The following CELSR1 variants were observed in gnomAD, a reference collection of about 807,000 sequenced individuals.
The protein encoded by CELSR1 is cadherin EGF LAG seven-pass G-type receptor 1.
A neutral mutation model predicts 249.1 loss-of-function variants in CELSR1; 110 were observed. The observed-to-expected ratio is 0.44, with a 90% CI of 0.38 to 0.52. The LOEUF (loss-of-function observed/expected upper bound fraction) is 0.52. Among genes scored for constraint, CELSR1 ranks in the 20% least tolerant of loss-of-function variants. The pLI, the probability that CELSR1 is intolerant of heterozygous loss-of-function variation, is 0.00. For synonymous variants in CELSR1, 2,113 were observed against 1,900.0 expected (o/e 1.11, Z -2.92); for missense variants, 4,109 against 4,296.4 (o/e 0.96, Z 1.22).
chr22:46,366,390 C>G lies in CELSR1; in HGVS notation c.8296G>C (p.Val2766Leu), dbSNP rs757174874. The change falls in exon 30 of 35, where the codon GTC becomes CTC. Residue 2766 changes from valine (V) to leucine (L), a missense_variant. Physicochemically the swap from Val to Leu is conservative, Grantham distance 32 (BLOSUM62 1). Coordinates refer to ENST00000674500, the MANE Select transcript of CELSR1 (RefSeq NM_001378328.1). ...GESTASLDSIVRDEGIQKLGV... is the reference protein window; with the variant it reads ...GESTASLDSILRDEGIQKLGV... ...AACCCGGAGCTGCGGCCTGACCTGA[C>G]GATGCTGTCCAGCGAGGCGGTGGAC... is the stretch of plus-strand genomic sequence containing the variant. The G allele has an allele frequency of 8.4e-6, 13 of 1,548,098 alleles. No individual in the cohort carries two copies. The highest frequency in any genetic ancestry group is 5.5e-5 in the African/African-American group (4 of 72,780).
At chr22:46,414,201 G>A (rs912354434) in intron 5 of CELSR1, among the ~76,000 whole-genome samples, 7 of 152,224 alleles carry the variant, frequency 4.6e-5, no homozygotes, top group Admixed American at 6.5e-5. Context: ...AGCAGGCACA[G>A]GGCGTTTAGG....
rs557278977 is a variant in CELSR1, at chr22:46,518,373, G to C, written c.3544+15254C>G. ...CAGTCTCGTTAGAGGAGAACGAAGG[G>C]AGTGGGCTCCCACAGACCACATTGC... is the stretch of plus-strand genomic sequence containing the variant. On this transcript the variant is annotated intron_variant, in intron 1 of 34. Transcript: ENST00000674500. The surrounding 1 kb of genome is among the most constrained non-coding windows in gnomAD (Gnocchi z 5.2). Among the ~76,000 whole-genome samples, 1 of 152,234 alleles carries C rather than the reference G, an allele frequency of 6.6e-6. No homozygotes were observed. The highest frequency in any genetic ancestry group is 2.1e-4 in the South Asian group (1 of 4,832).
chr22:46,400,188 G>A (rs960193004), intron 9 of CELSR1, among the ~76,000 whole-genome samples: 19 of 151,936 alleles, frequency 1.3e-4, no homozygotes, highest in African/African-American at 3.9e-4. Flanking sequence ...AAATTAGCTA[G>A]GTGTGGTGGT....
chr22:46,492,197 A>T (rs548359059), intron 1 of CELSR1, among the ~76,000 whole-genome samples: 13 of 152,126 alleles, frequency 8.5e-5, no homozygotes, highest in Non-Finnish European at 1.5e-4. Context: ...GAAGCCGGCC[A>T]ACATGCCAGA....
chr22:46,529,274 A>T (rs868570070), intron 1 of CELSR1, among the ~76,000 whole-genome samples: 33 of 152,146 alleles, frequency 2.2e-4, no homozygotes, highest in African/African-American at 8.0e-4. Context: ...TCAAAAAAAA[A>T]AAAGAATGAG....
At chr22:46,365,859 TG>T (rs1411901386) in intron 30 of CELSR1, among the ~76,000 whole-genome samples, 170 bp from the exon 31 acceptor site, 38 of 758 alleles carry the variant, frequency 0.05, 5 homozygotes, top group African/African-American at 0.14. Flanking sequence ...AAAGGTTGGG[TG>T]GGGGGAAGGT....
At chr22:46,419,842 C>A (rs1258893673) in intron 5 of CELSR1, among the ~76,000 whole-genome samples, 1 of 151,946 alleles carries the variant, frequency 6.6e-6, no homozygotes, top group South Asian at 2.1e-4. Flanking sequence ...CCCACGCTCA[C>A]GTGCATACCC....
At chr22:46,456,145 C>T (rs912571074) in intron 2 of CELSR1, among the ~76,000 whole-genome samples, 3 of 152,228 alleles carry the variant, frequency 2.0e-5, no homozygotes, top group Non-Finnish European at 2.9e-5. Flanking sequence ...GGACTAACTG[C>T]GACTTTACTA....
intron 2 of CELSR1, among the ~76,000 whole-genome samples, chr22:46,452,360 A>G (rs916371113): frequency 2.0e-5 from 3 of 152,218 alleles, no homozygotes; most frequent in African/African-American, 7.2e-5. Flanking sequence ...ATGAGGACCC[A>G]GTGTGCCAAA....
chr22:46,513,058 G>C (rs1170459940), intron 1 of CELSR1, among the ~76,000 whole-genome samples: 2 of 152,214 alleles, frequency 1.3e-5, no homozygotes, highest in Non-Finnish European at 2.9e-5. Flanking sequence ...GAGTGAATAG[G>C]AGGCCATTTA....
In CELSR1 at chr22:46,413,183, A is replaced by C. The variant is rs1016614090; in HGVS notation, c.4612-1424T>G. Among the ~76,000 whole-genome samples the C allele has an allele frequency of 3.3e-5, 5 of 152,280 alleles. No homozygotes were observed. The highest frequency in any genetic ancestry group is 6.5e-5 in the Admixed American group (1 of 15,286). ...CAGTGCCTTTTAATAGGAAAATAAC[A>C]ACCACATAGTTCATTCAAAAATAAA... On this transcript the variant is annotated intron_variant, in intron 5 of 34. Transcript: ENST00000674500. This position sits in a 1 kb window ranked among gnomAD's most constrained non-coding sequence, Gnocchi z 4.7.
rs376260022 is a variant in CELSR1, at chr22:46,363,169, G to A, written c.*54C>T. ...GATGCCGCAGCCTGTGTGGGGTGAC[G>A]GGCTTGCCTCACGGTTTCCTGATGG... On this transcript the variant is annotated 3_prime_UTR_variant, in exon 35 of 35. Coordinates refer to ENST00000674500, the MANE Select transcript of CELSR1 (RefSeq NM_001378328.1). The surrounding 1 kb of genome is among the most constrained non-coding windows in gnomAD (Gnocchi z 4.3). 2.7e-5 allele frequency: 44 copies of A among 1,613,634 alleles called. No homozygotes were observed. Among genetic ancestry groups the A allele is most frequent in the South Asian group, 3.3e-5 (3 of 91,060 alleles).
At position 46,429,471 on chromosome 22, in the gene CELSR1, C is replaced by T. The variant is rs148032533; in HGVS notation, c.4611+3922G>A. On this transcript the variant is annotated intron_variant, in intron 5 of 34. Transcript: ENST00000674500. This position sits in a 1 kb window ranked among gnomAD's most constrained non-coding sequence, Gnocchi z 4.1. ...TGTTGTTCATCTGTGCTTGGCGGAGCGCCACACAAATGTACAAGTGCCTGC... is the reference window on the plus strand; with the variant it reads ...TGTTGTTCATCTGTGCTTGGCGGAGTGCCACACAAATGTACAAGTGCCTGC... Among the ~76,000 whole-genome samples the T allele has an allele frequency of 5.8e-4, 89 of 152,342 alleles. No homozygotes were observed. Among genetic ancestry groups the T allele is most frequent in the African/African-American group, 1.9e-3 (80 of 41,576 alleles).
intron 2 of CELSR1, among the ~76,000 whole-genome samples, chr22:46,461,707 G>C (rs1297877114): frequency 6.6e-6 from 1 of 152,248 alleles, no homozygotes; most frequent in Non-Finnish European, 1.5e-5. Flanking sequence ...TATACAGTAG[G>C]TACTATCTGC....
Position 46,535,741 on chromosome 22 carries a change from G to C in CELSR1, c.1430C>G (p.Ala477Gly). 1.2e-6 allele frequency: 2 copies of C among 1,612,506 alleles called. No homozygotes were observed. Among genetic ancestry groups the C allele is most frequent in the Non-Finnish European group, 1.7e-6 (2 of 1,180,008 alleles). Residue 477 changes from alanine to glycine, a missense_variant, in exon 1 of 35, where the codon GCT becomes GGT. Around this residue, in one of 7 missense-constraint regions of CELSR1, gnomAD observed 135 missense variants for 190.0 expected, o/e 0.71. Transcript: ENST00000674500. ...QVPEDVGLNT[A>G]VLRVQATDRD... ...GTCCGTGGCCTGCACTCGCAGCACA[G>C]CCGTGTTGAGCCCCACGTCCTCGGG... is the stretch of plus-strand genomic sequence containing the variant.
chr22:46,530,461 C>G (rs1205103848), intron 1 of CELSR1: 1 of 151,942 alleles, frequency 6.6e-6, no homozygotes, highest in Admixed American at 6.6e-5. Flanking sequence ...AGAGCACATT[C>G]AAGGCTTGAG....
rs1187474989 is a variant in CELSR1 at position 46,381,059 on chromosome 22, G to A, written c.7089-104C>T. 8.0e-7 allele frequency: 1 copy of A among 1,244,524 alleles called. No individual in the cohort carries two copies. The highest frequency in any genetic ancestry group is 1.4e-5 in the South Asian group (1 of 70,614). 77.1% of individuals were successfully genotyped at this position (1,244,524 alleles called of 1,614,324 possible). On this transcript the variant is annotated intron_variant, in intron 21 of 34. Transcript: ENST00000674500. This position sits in a 1 kb window ranked among gnomAD's most constrained non-coding sequence, Gnocchi z 6.0. Reference sequence around the variant, plus strand: ...GGACACGCCATGATGTGTTTCTAGGGGAGACAGAATCACACTCCGAGAGCT... The same window carrying A: ...GGACACGCCATGATGTGTTTCTAGGAGAGACAGAATCACACTCCGAGAGCT...
At chr22:46,373,167 G>GTC in intron 24 of CELSR1, 110 bp from the exon 25 acceptor site, 1 of 1,169,128 alleles carries the variant, frequency 8.6e-7, no homozygotes, top group South Asian at 1.6e-5. Context: ...ACCACCCTAT[G>GTC]TGTCTGTCCT....
intron 1 of CELSR1, among the ~76,000 whole-genome samples, chr22:46,510,571 G>C (rs73888537): frequency 6.6e-6 from 1 of 152,316 alleles, no homozygotes; most frequent in African/African-American, 2.4e-5. Context: ...CTGGGGGGAC[G>C]AGAGCCGCCT....
Sources: allele counts gnomAD v4.1 joint callset (sites outside exome capture counted in the v4.1 genomes callset), GRCh38; gene constraint gnomAD v4.1.1; regional missense constraint gnomAD v4.1.1; non-coding constraint Gnocchi (gnomAD v3.1); transcripts MANE v1.5; gene names NCBI Gene and HGNC (gene_info 2026-07-23, HGNC 2026-07-21).